The following GRM8 variants were observed in gnomAD, a reference collection of about 807,000 sequenced individuals.
GRM8 encodes the protein metabotropic glutamate receptor 8.
Under a neutral mutation model 87.2 loss-of-function variants are expected in GRM8, and 47 were observed. That is an observed-to-expected ratio of 0.54 (90% CI 0.43 to 0.69). The LOEUF (loss-of-function observed/expected upper bound fraction) is 0.69, where lower values mean the gene tolerates loss of function less well. GRM8 is among the 30% of genes least tolerant of loss of function. GRM8 has a pLI of 0.00. For synonymous variants in GRM8, 396 were observed against 404.5 expected, an observed-to-expected ratio of 0.98 and a Z score of 0.25; for missense variants, 1,019 against 1,139.2, an observed-to-expected ratio of 0.89 and a Z score of 1.52.
At chr7:126,692,758 A>T (rs1808962968) in intron 7 of GRM8, among the ~76,000 whole-genome samples, 1 of 152,206 alleles carries the variant, frequency 6.6e-6, no homozygotes, top group Admixed American at 6.5e-5. Flanking sequence ...TGAGTTCCTT[A>T]CTAACTTGGA....
At chr7:126,586,708 A>C (rs1796166466) in intron 8 of GRM8, among the ~76,000 whole-genome samples, 1 of 152,222 alleles carries the variant, frequency 6.6e-6, no homozygotes, top group African/African-American at 2.4e-5. Context: ...TAAATGTTAG[A>C]CCTAAAACCA....
At chr7:127,100,453 T>C (rs1168120297) in intron 3 of GRM8, among the ~76,000 whole-genome samples, 2 of 152,212 alleles carry the variant, frequency 1.3e-5, no homozygotes, top group African/African-American at 2.4e-5. Context: ...TTACCTCCCA[T>C]TGCAATGTCT....
intron 2 of GRM8, among the ~76,000 whole-genome samples, chr7:127,176,390 T>C (rs1794108369): frequency 1.3e-5 from 2 of 152,278 alleles, no homozygotes; most frequent in Admixed American, 1.3e-4. Context: ...AAAAAGGTTG[T>C]CAGAGTAGAT....
At chr7:126,541,893 C>T (rs1395317508) in intron 8 of GRM8, among the ~76,000 whole-genome samples, 2 of 152,296 alleles carry the variant, frequency 1.3e-5, no homozygotes, top group South Asian at 2.1e-4. Flanking sequence ...ATGTTGAAGT[C>T]TTATCCCTCA....
chr7:126,441,478 A>G (rs1801460367), intron 10 of GRM8, among the ~76,000 whole-genome samples: 1 of 152,092 alleles, frequency 6.6e-6, no homozygotes, highest in Admixed American at 6.6e-5. Flanking sequence ...GATGCAATGA[A>G]TCTCTGTCCT....
chr7:126,450,966 C>T (rs926092767), intron 9 of GRM8, among the ~76,000 whole-genome samples: 3 of 151,854 alleles, frequency 2.0e-5, no homozygotes, highest in South Asian at 2.1e-4. Context: ...TGCACTTGTA[C>T]ACAAGACCCT....
chr7:127,207,462 C>T (rs1047699469), intron 2 of GRM8, among the ~76,000 whole-genome samples: 6 of 152,180 alleles, frequency 3.9e-5, no homozygotes, highest in African/African-American at 1.2e-4. Flanking sequence ...CCAATGTGAA[C>T]GACAGAAACA....
intron 10 of GRM8, among the ~76,000 whole-genome samples, chr7:126,442,517 C>T (rs1424156658): frequency 6.6e-6 from 1 of 151,914 alleles, no homozygotes; most frequent in Non-Finnish European, 1.5e-5. Context: ...CAACTTCCTA[C>T]ACTGTTCAAT....
chr7:126,980,116 T>C (rs570334222), intron 3 of GRM8, among the ~76,000 whole-genome samples: 1 of 152,346 alleles, frequency 6.6e-6, no homozygotes, highest in East Asian at 1.9e-4. Flanking sequence ...AACATTGTTC[T>C]TGGACTTGGG....
At chr7:126,970,863 T>C (rs1204840686) in intron 3 of GRM8, among the ~76,000 whole-genome samples, 1 of 152,012 alleles carries the variant, frequency 6.6e-6, no homozygotes, top group African/African-American at 2.4e-5. Flanking sequence ...CTAATTCCAA[T>C]ATTGTTGTGT....
chr7:126,590,299 G>T (rs1796556621), intron 8 of GRM8, among the ~76,000 whole-genome samples: 1 of 151,640 alleles, frequency 6.6e-6, no homozygotes, highest in African/African-American at 2.4e-5. Context: ...CAAAGACAAG[G>T]TTTTTGAAAT....
chr7:126,466,514 C>T (rs1804518305), intron 9 of GRM8, among the ~76,000 whole-genome samples: 1 of 151,810 alleles, frequency 6.6e-6, no homozygotes, highest in Non-Finnish European at 1.5e-5. Flanking sequence ...TGGAAATTGG[C>T]TCACACAATT....
chr7:126,778,308 A>G (rs754862064), intron 6 of GRM8, among the ~76,000 whole-genome samples: 1 of 152,158 alleles, frequency 6.6e-6, no homozygotes, highest in Non-Finnish European at 1.5e-5. Context: ...TCAGTTCACA[A>G]TAACATCTCT....
chr7:126,906,935 C>G (rs567995636), intron 3 of GRM8, among the ~76,000 whole-genome samples: 6 of 152,126 alleles, frequency 3.9e-5, no homozygotes, highest in African/African-American at 1.4e-4. Context: ...TTGAGTGCCC[C>G]GTATCTGCTA....
chr7:127,059,331 C>T (rs1275095564), intron 3 of GRM8, among the ~76,000 whole-genome samples: 15 of 130,572 alleles, frequency 1.1e-4, no homozygotes, highest in South Asian at 7.4e-4. Flanking sequence ...TTTTTTTTTG[C>T]TTTTTTTTTT....
intron 8 of GRM8, among the ~76,000 whole-genome samples, chr7:126,576,604 T>C (rs113691015): frequency 0.025 from 3,737 of 152,262 alleles, 140 homozygotes; most frequent in African/African-American, 0.085. Context: ...ATATCTCTAA[T>C]ACTTGCAACT....
At chr7:126,850,141 T>C (rs1334377249) in intron 6 of GRM8, among the ~76,000 whole-genome samples, 2 of 152,194 alleles carry the variant, frequency 1.3e-5, no homozygotes, top group African/African-American at 4.8e-5. Flanking sequence ...GCTGTCCTTG[T>C]CAAGGTCACT....
chr7:126,442,037 G>C (rs1345928308), intron 10 of GRM8, among the ~76,000 whole-genome samples: 1 of 151,850 alleles, frequency 6.6e-6, no homozygotes, highest in African/African-American at 2.4e-5. Flanking sequence ...AGGTTACTGG[G>C]CCTCAGTTTT....
rs1013490220 is a variant in GRM8 at position 127,243,483 on chromosome 7, G to A, written c.-279C>T. On this transcript the variant is annotated 5_prime_UTR_variant, in exon 2 of 11. Coordinates refer to ENST00000339582, the MANE Select transcript of GRM8 (RefSeq NM_000845.3). Reference sequence around the variant, plus strand: ...TGTTGGGATGAGGTCAACAATTCATGTCCTTGAAATCAGCCTTGTAGCAGA... The same window carrying A: ...TGTTGGGATGAGGTCAACAATTCATATCCTTGAAATCAGCCTTGTAGCAGA... 7.2e-6 allele frequency: 3 copies of A among 419,528 alleles called. No individual in the cohort carries two copies. Among genetic ancestry groups the A allele is most frequent in the Admixed American group, 4.1e-5 (1 of 24,616 alleles). 26.0% of individuals were successfully genotyped at this position (419,528 alleles called of 1,614,324 possible).
Sources: allele counts gnomAD v4.1 joint callset (sites outside exome capture counted in the v4.1 genomes callset), GRCh38; gene constraint gnomAD v4.1.1; transcripts MANE v1.5; gene names NCBI Gene and HGNC (gene_info 2026-07-23, HGNC 2026-07-21).